RBFOX3: variants seen among roughly 807,000 people sequenced by gnomAD.
The protein encoded by RBFOX3 is RNA binding fox-1 homolog 3.
RBFOX3 carries 17 observed loss-of-function variants against 48.7 expected under a neutral mutation model. The ratio of observed to expected loss-of-function variants is 0.35; its 90% CI spans 0.24 to 0.52. The LOEUF is 0.52. RBFOX3 is among the 20% of genes least tolerant of loss of function. The probability of loss-of-function intolerance (pLI) is 0.94; values close to 1 mark genes in which losing one functional copy is unlikely to be tolerated. For missense variants in RBFOX3, 382 were observed against 497.5 expected (o/e 0.77, Z 2.21); for synonymous variants, 212 against 209.5 (o/e 1.01, Z -0.10).
chr17:79,148,014 C>T (rs1376504819), intron 4 of RBFOX3, among the ~76,000 whole-genome samples: 3 of 151,604 alleles, frequency 2.0e-5, no homozygotes, highest in African/African-American at 7.2e-5. Context: ...TGCCGTGGGG[C>T]CCCGGGGGGA....
chr17:79,288,064 C>T (rs2072375205), intron 3 of RBFOX3, among the ~76,000 whole-genome samples: 1 of 152,150 alleles, frequency 6.6e-6, no homozygotes, highest in South Asian at 2.1e-4. Context: ...CCCCAGAACC[C>T]TCCAGATTCC....
chr17:79,576,413 G>A (rs999231378), intron 1 of RBFOX3, among the ~76,000 whole-genome samples: 5 of 152,084 alleles, frequency 3.3e-5, no homozygotes, highest in African/African-American at 1.2e-4. Context: ...AAATCATGGA[G>A]AAGATGGAGA....
chr17:79,191,431 G>T (rs560175238), intron 4 of RBFOX3, among the ~76,000 whole-genome samples: 1 of 152,220 alleles, frequency 6.6e-6, no homozygotes, highest in East Asian at 1.9e-4. Context: ...TGTGAGGGGC[G>T]GGCACTCTGT....
rs553618425 is a variant in RBFOX3, at chr17:79,176,563, G to C, written c.-34+59203C>G. 2.0e-5 allele frequency among the ~76,000 whole-genome samples: 3 copies of C among 152,364 alleles called. No individual in the cohort carries two copies. The South Asian group carries it at 6.2e-4, about 32-fold the overall frequency. ...AGCTGCGCTGGTGACACAAGAAGTCGGAGTCAGTCCTTCTGGTCTCGAGTA... is the reference window on the plus strand; with the variant it reads ...AGCTGCGCTGGTGACACAAGAAGTCCGAGTCAGTCCTTCTGGTCTCGAGTA... On this transcript the variant is annotated intron_variant, in intron 4 of 14. Transcript: ENST00000693108.
chr17:79,163,087 A>C (rs2047293215), intron 4 of RBFOX3, among the ~76,000 whole-genome samples: 1 of 152,102 alleles, frequency 6.6e-6, no homozygotes, highest in South Asian at 2.1e-4. Flanking sequence ...GCTGAAACAG[A>C]GTGGTTCAAG....
chr17:79,369,308 A>G (rs2058206597), intron 2 of RBFOX3, among the ~76,000 whole-genome samples: 1 of 151,840 alleles, frequency 6.6e-6, no homozygotes, highest in Non-Finnish European at 1.5e-5. Flanking sequence ...CGGAGTTTCT[A>G]CCACAGTCTG....
chr17:79,230,146 G>C (rs2060836830), intron 4 of RBFOX3, among the ~76,000 whole-genome samples: 1 of 152,212 alleles, frequency 6.6e-6, no homozygotes, highest in Admixed American at 6.5e-5. Context: ...TGATGAGGCT[G>C]GTTGGGTTGC....
intron 2 of RBFOX3, among the ~76,000 whole-genome samples, chr17:79,476,758 T>A (rs1285258610): frequency 6.6e-6 from 1 of 150,730 alleles, no homozygotes; most frequent in Non-Finnish European, 1.5e-5. Context: ...AATTAGGGGG[T>A]CTGGAAAAGA....
intron 1 of RBFOX3, among the ~76,000 whole-genome samples, chr17:79,521,217 G>C (rs1182594950): frequency 4.0e-5 from 6 of 151,048 alleles, no homozygotes; most frequent in African/African-American, 1.5e-4. Flanking sequence ...CTCACGCTCA[G>C]ACACACACAC....
intron 4 of RBFOX3, among the ~76,000 whole-genome samples, chr17:79,230,785 C>A (rs2060945128): frequency 6.6e-6 from 1 of 152,092 alleles, no homozygotes; most frequent in Non-Finnish European, 1.5e-5. Context: ...TTCCACCCTG[C>A]AGGGGACTGG....
chr17:79,183,335 G>A (rs2052597337), intron 4 of RBFOX3: 2 of 152,614 alleles, frequency 1.3e-5, no homozygotes, highest in Non-Finnish European at 2.9e-5. Flanking sequence ...TTGGACAGCA[G>A]GAGGCAGCCC....
In RBFOX3 at chr17:79,205,061, C is replaced by T. The variant is rs946963510; in HGVS notation, c.-34+30705G>A. ...ACCATATCCAGTTCCAGGTCTAAGGCAGTTCTCCAGTCAGAGCCCACTGGT... is the reference window on the plus strand; with the variant it reads ...ACCATATCCAGTTCCAGGTCTAAGGTAGTTCTCCAGTCAGAGCCCACTGGT... On this transcript the variant is annotated intron_variant, in intron 4 of 14. Transcript: ENST00000693108. This position sits in a 1 kb window ranked among gnomAD's most constrained non-coding sequence, Gnocchi z 4.5. Among the ~76,000 whole-genome samples, 1 of 152,174 alleles carries T rather than the reference C, an allele frequency of 6.6e-6. No individual in the cohort carries two copies. Among genetic ancestry groups the T allele is most frequent in the Non-Finnish European group, 1.5e-5 (1 of 68,034 alleles).
intron 2 of RBFOX3, among the ~76,000 whole-genome samples, chr17:79,456,848 C>G (rs891267919): frequency 2.0e-5 from 3 of 152,172 alleles, no homozygotes; most frequent in African/African-American, 7.2e-5. Flanking sequence ...GACCAGCCCT[C>G]TACTCTCTGT....
intron 4 of RBFOX3, among the ~76,000 whole-genome samples, chr17:79,232,840 G>A (rs1379793686): frequency 6.6e-6 from 1 of 152,198 alleles, no homozygotes; most frequent in Non-Finnish European, 1.5e-5. Flanking sequence ...TAGTCAAATG[G>A]CTAAAGTTAT....
chr17:79,521,863 C>T (rs1040737456), intron 1 of RBFOX3, among the ~76,000 whole-genome samples: 1 of 152,204 alleles, frequency 6.6e-6, no homozygotes, highest in Non-Finnish European at 1.5e-5. Context: ...TATCTCGGCT[C>T]ATTCAAAGTC....
intron 4 of RBFOX3, among the ~76,000 whole-genome samples, chr17:79,163,757 C>A (rs1238561840): frequency 6.6e-6 from 1 of 152,222 alleles, no homozygotes; most frequent in East Asian, 1.9e-4. Context: ...TGCCCCACCT[C>A]CCTCAGGCAC....
intron 4 of RBFOX3, among the ~76,000 whole-genome samples, chr17:79,231,086 A>T (rs753114213): frequency 5.3e-5 from 8 of 152,208 alleles, no homozygotes; most frequent in Non-Finnish European, 1.0e-4. Context: ...GCCATGGTGC[A>T]GTGACCCCAG....
At chr17:79,664,959 A>G in the RBFOX3 span, among the ~76,000 whole-genome samples, 1 of 152,174 alleles carries the variant, frequency 6.6e-6, no homozygotes, top group Non-Finnish European at 1.5e-5. Context: ...TTTAAGGCTG[A>G]ATTCTATTAT....
chr17:79,231,958 G>T (rs144808219), intron 4 of RBFOX3, among the ~76,000 whole-genome samples: 1 of 152,128 alleles, frequency 6.6e-6, no homozygotes, highest in African/African-American at 2.4e-5. Context: ...CCACATGGCC[G>T]GGGAGGCCTC....
Sources: allele counts gnomAD v4.1 joint callset (sites outside exome capture counted in the v4.1 genomes callset), GRCh38; gene constraint gnomAD v4.1.1; non-coding constraint Gnocchi (gnomAD v3.1); transcripts MANE v1.5; gene names NCBI Gene and HGNC (gene_info 2026-07-23, HGNC 2026-07-21).